The following XRCC3 variants were observed in gnomAD, a reference collection of about 807,000 sequenced individuals.
XRCC3 encodes DNA repair protein XRCC3.
In XRCC3, 34 loss-of-function variants were observed where a neutral mutation model predicts 29.2. That is an observed-to-expected ratio of 1.16 (90% CI 0.88 to 1.55). The LOEUF (loss-of-function observed/expected upper bound fraction) is 1.55. Ranked by LOEUF, XRCC3 falls within the 40% of genes most tolerant of loss-of-function variation. XRCC3 has a pLI of 0.00. For synonymous variants in XRCC3, 223 were observed against 211.3 expected (o/e 1.06, Z -0.48); for missense variants, 463 against 467.6 (o/e 0.99, Z 0.09).
At chr14:103,700,109 A>G (rs2083022748) in intron 7 of XRCC3, 1 of 211,178 alleles carries the variant, frequency 4.7e-6, no homozygotes. Context: ...CAGGCGAGTC[A>G]GGCCTGGCCT....
chr14:103,698,679 A>G lies in XRCC3; in HGVS notation c.*119T>C. 1 of 901,758 alleles carries G rather than the reference A, an allele frequency of 1.1e-6. No homozygotes were observed. Among genetic ancestry groups the G allele is most frequent in the Non-Finnish European group, 1.8e-6 (1 of 566,670 alleles). The allele number at this position is 901,758 out of a possible 1,614,324, so 55.9% of individuals were successfully genotyped here. On this transcript the variant is annotated 3_prime_UTR_variant, in exon 10 of 10. Coordinates refer to ENST00000555055, the MANE Select transcript of XRCC3 (RefSeq NM_005432.4). ...TGAGAAAGTGGAGCCGCTGCCCTGG[A>G]AGAGCTGTGTCTGAACCAGGCTCCC...
At chr14:103,709,778 G>A (rs2083560566) in intron 4 of XRCC3, 1 of 152,246 alleles carries the variant, frequency 6.6e-6, no homozygotes. Flanking sequence ...GGAAACATTG[G>A]TTTTTGGATA....
In XRCC3 at chr14:103,712,041, C is replaced by T. The variant is rs528147899; in HGVS notation, c.-260-474G>A. 1.2e-5 allele frequency: 4 copies of T among 333,528 alleles called. No individual in the cohort carries two copies. The East Asian group carries it at 2.3e-4, about 20-fold the overall frequency. 20.7% of individuals were successfully genotyped at this position (333,528 alleles called of 1,614,324 possible). ...GTTTTCCCTTGGACCACACAGAATG[C>T]GGCACTGGCCTGGACACGATCACGC... On this transcript the variant is annotated intron_variant, in intron 2 of 9. Transcript: ENST00000555055.
rs200969872 is a variant in XRCC3, at chr14:103,710,852, G to C, written c.55+181C>G. On this transcript the variant is annotated intron_variant, in intron 4 of 9. Transcript: ENST00000555055. ...AACTGAAAGAAATCCATGTAGTTAA[G>C]AACACACACACACACACACACACAC... is the stretch of plus-strand genomic sequence containing the variant. 1.9e-5 allele frequency: 7 copies of C among 378,006 alleles called. No individual in the cohort carries two copies. The African/African-American group carries it at 2.6e-4, about 14-fold the overall frequency. 23.4% of individuals were successfully genotyped at this position (378,006 alleles called of 1,614,324 possible).
intron 7 of XRCC3, chr14:103,702,641 C>T (rs190721872): frequency 1.8e-3 from 308 of 175,092 alleles, no homozygotes; most frequent in African/African-American, 3.2e-3. Flanking sequence ...TTCTAGAACA[C>T]GCTTCAAAGC....
intron 6 of XRCC3, 70 bp downstream of exon 6, chr14:103,706,933 C>G: frequency 6.6e-7 from 1 of 1,506,388 alleles, no homozygotes; most frequent in Non-Finnish European, 8.9e-7. Context: ...CCCACCTCAA[C>G]GGAAAGCTGT....
chr14:103,701,440 C>T (rs1251785568), intron 7 of XRCC3: 1 of 451,844 alleles, frequency 2.2e-6, no homozygotes, highest in East Asian at 3.3e-5. Context: ...AGACCTGGGG[C>T]ATGAGCTGGG....
At chr14:103,702,964 C>T in intron 7 of XRCC3, 1 of 736,106 alleles carries the variant, frequency 1.4e-6, no homozygotes, top group Non-Finnish European at 2.2e-6. Flanking sequence ...GCCAGAATTC[C>T]CTCCCCTGCC....
In XRCC3 at chr14:103,711,074, A is replaced by C. The variant is rs1014842828; in HGVS notation, c.14T>G (p.Leu5Arg). MDLDLLDLNPRIIAA... is the reference protein window; with the variant it reads MDLDRLDLNPRIIAA... ...AATAATTCTGGGATTCAGGTCCAGTAGATCCAAATCCATTTTGTCGGTGGG... is the reference window on the plus strand; with the variant it reads ...AATAATTCTGGGATTCAGGTCCAGTCGATCCAAATCCATTTTGTCGGTGGG... Residue 5 changes from leucine (L) to arginine (R), a missense_variant, in exon 4 of 10, where the codon CTA becomes CGA. Transcript: ENST00000555055. 1.2e-6 allele frequency: 2 copies of C among 1,614,218 alleles called. No individual in the cohort carries two copies. Among genetic ancestry groups the C allele is most frequent in the Non-Finnish European group, 1.7e-6 (2 of 1,180,036 alleles).
Position 103,698,639 on chromosome 14 carries a change from GCCA to G in XRCC3, c.*156_*158del. ...CAGCTCAGATGGGGGTCAGTCTGTG[GCCA>G]CCATCTTCGGATGAGAAAGTGGAGC... is the stretch of plus-strand genomic sequence containing the variant. On this transcript the variant is annotated 3_prime_UTR_variant, in exon 10 of 10. Coordinates refer to ENST00000555055, the MANE Select transcript of XRCC3 (RefSeq NM_005432.4). The G allele has an allele frequency of 2.8e-6, 2 of 705,950 alleles. No homozygotes were observed. The highest frequency in any genetic ancestry group is 2.7e-5 in the East Asian group (1 of 36,866). The allele number at this position is 705,950 out of a possible 1,614,324, so 43.7% of individuals were successfully genotyped here. A position where few individuals can be genotyped will look rare whatever the true frequency, so the allele number is the denominator to read the frequency against.
chr14:103,708,563 C>A lies in XRCC3; in HGVS notation c.152G>T (p.Arg51Ile). ...TCCCCGCAAGTGTAAGGAGGCCGTTCTCAGCAAGTGCCAGACCTCGGGGCT... is the reference window on the plus strand; with the variant it reads ...TCCCCGCAAGTGTAAGGAGGCCGTTATCAGCAAGTGCCAGACCTCGGGGCT... Reference protein sequence around the residue: ...LSSPEVWHLLRTASLHLRGSS... With the variant: ...LSSPEVWHLLITASLHLRGSS... The change falls in exon 5 of 10, where the codon AGA becomes ATA. Residue 51 changes from arginine to isoleucine, a missense_variant. Transcript: ENST00000555055. 1 of 1,614,158 alleles carries A rather than the reference C, an allele frequency of 6.2e-7. No individual in the cohort carries two copies. The highest frequency in any genetic ancestry group is 8.5e-7 in the Non-Finnish European group (1 of 1,180,018).
At position 103,698,423 on chromosome 14, in the gene XRCC3, G is replaced by C. The variant is rs1304606146; in HGVS notation, c.*375C>G. ...GTCTGAGGCCCCAGCCCAGGGGGCA[G>C]GCCTCAGACGCAACCCCAGTTGGGC... On this transcript the variant is annotated 3_prime_UTR_variant, in exon 10 of 10. Transcript: ENST00000555055. The C allele has an allele frequency of 3.1e-6, 1 of 324,166 alleles. No homozygotes were observed. Among genetic ancestry groups the C allele is most frequent in the Non-Finnish European group, 6.0e-6 (1 of 167,650 alleles). The allele number at this position is 324,166 out of a possible 1,614,324, so 20.1% of individuals were successfully genotyped here.
At chr14:103,700,444 T>G in intron 7 of XRCC3, 1 of 476,098 alleles carries the variant, frequency 2.1e-6, no homozygotes, top group Non-Finnish European at 3.7e-6. Context: ...TGGGGGAGGG[T>G]GACACAGCTG....
chr14:103,699,713 C>T (rs1567049257), intron 7 of XRCC3, 137 bp from the exon 8 acceptor site: 1 of 796,604 alleles, frequency 1.3e-6, no homozygotes. Flanking sequence ...ACTCTGTAGT[C>T]CCCATACTCT....
intron 6 of XRCC3, 105 bp downstream of exon 6, chr14:103,706,898 G>T: frequency 7.9e-7 from 1 of 1,258,944 alleles, no homozygotes; most frequent in Non-Finnish European, 1.1e-6. Context: ...GCAATGGTAG[G>T]AACAGCGCAA....
In XRCC3 at chr14:103,697,853, G is replaced by C. The variant is rs1177136370; in HGVS notation, c.*945C>G. 1 of 151,970 alleles carries C rather than the reference G, an allele frequency of 6.6e-6. No individual in the cohort carries two copies. The highest frequency in any genetic ancestry group is 2.4e-5 in the African/African-American group (1 of 41,192). The allele number at this position is 151,970 out of a possible 1,614,324, so 9.4% of individuals were successfully genotyped here. ...TAAGGCCTGGCCACAGTGTGGGACT[G>C]GGTCTGCACAGTGTGGGACTGCAGG... On this transcript the variant is annotated 3_prime_UTR_variant, in exon 10 of 10. Transcript: ENST00000555055.
Position 103,698,871 on chromosome 14 carries a change from A to C in XRCC3, c.968T>G (p.Leu323Arg). The change falls in exon 10 of 10, where the codon CTG becomes CGG. Residue 323 changes from leucine to arginine, a missense_variant. By Grantham distance (102) the Leu-to-Arg change is moderately radical. Transcript: ENST00000555055. The part of the protein sequence containing the change: ...RTLRVLSAPH[L>R]PPSSCSYTIS... ...CGTGTAGGAACAGGAGGAGGGGGGCAGGTGGGGGGCAGAGAGCACCCGCAG... is the reference window on the plus strand; with the variant it reads ...CGTGTAGGAACAGGAGGAGGGGGGCCGGTGGGGGGCAGAGAGCACCCGCAG... The C allele has an allele frequency of 6.2e-7, 1 of 1,607,200 alleles. No homozygotes were observed. The highest frequency in any genetic ancestry group is 8.5e-7 in the Non-Finnish European group (1 of 1,177,424).
At chr14:103,708,491 AC>A (rs1430558993) in intron 5 of XRCC3, 30 bp downstream of exon 5, 5 of 1,612,094 alleles carry the variant, frequency 3.1e-6, no homozygotes. Context: ...GCCACATGTC[AC>A]CCCTGGCAGA....
intron 7 of XRCC3, chr14:103,702,229 T>A (rs536591184): frequency 6.6e-6 from 1 of 152,472 alleles, no homozygotes; most frequent in African/African-American, 2.4e-5. Flanking sequence ...CTGCCATAGG[T>A]CCCTCCTCCA....
Sources: allele counts gnomAD v4.1 joint callset, GRCh38; gene constraint gnomAD v4.1.1; transcripts MANE v1.5; gene names NCBI Gene and HGNC (gene_info 2026-07-23, HGNC 2026-07-21).